Variants in XKR6 observed in about 807,000 individuals in gnomAD.
XKR6 encodes XK-related protein 6.
XKR6 carries 22 observed loss-of-function variants against 56.7 expected under a neutral mutation model. The observed-to-expected ratio is 0.39, with a 90% CI of 0.28 to 0.55. The LOEUF is 0.55. XKR6 is among the 20% of genes least tolerant of loss of function. XKR6 has a pLI of 0.66. For synonymous variants in XKR6, 524 were observed against 387.8 expected, an observed-to-expected ratio of 1.35 and a Z score of -4.13; for missense variants, 852 against 889.0, an observed-to-expected ratio of 0.96 and a Z score of 0.53.
intron 1 of XKR6, among the ~76,000 whole-genome samples, chr8:11,049,894 A>G (rs1225599762): frequency 6.6e-6 from 1 of 152,198 alleles, no homozygotes; most frequent in Non-Finnish European, 1.5e-5. Context: ...TGTCTGCTGC[A>G]GAGAGGCTAG....
chr8:11,077,398 G>A (rs553258144), intron 1 of XKR6, among the ~76,000 whole-genome samples: 66 of 152,246 alleles, frequency 4.3e-4, no homozygotes, highest in African/African-American at 1.5e-3. Flanking sequence ...GCCCTGGGGC[G>A]CTCTGTGAGG....
At chr8:11,017,944 G>C (rs886636397) in intron 1 of XKR6, among the ~76,000 whole-genome samples, 3 of 152,170 alleles carry the variant, frequency 2.0e-5, no homozygotes, top group Admixed American at 2.0e-4. Flanking sequence ...GGGATTCTGA[G>C]AGCCCATCTA....
chr8:10,938,065 T>C (rs906038769), intron 1 of XKR6, among the ~76,000 whole-genome samples: 40 of 152,134 alleles, frequency 2.6e-4, no homozygotes, highest in Non-Finnish European at 4.3e-4. Context: ...TCCGTGGGCG[T>C]AGGACCCTCC....
At chr8:11,051,291 G>C (rs893244393) in intron 1 of XKR6, among the ~76,000 whole-genome samples, 31 of 151,880 alleles carry the variant, frequency 2.0e-4, no homozygotes, top group Non-Finnish European at 1.5e-4. Context: ...GGCAAGCTCA[G>C]ACCTCGGCAG....
At chr8:11,158,126 T>A (rs994808190) in intron 1 of XKR6, among the ~76,000 whole-genome samples, 4 of 152,178 alleles carry the variant, frequency 2.6e-5, no homozygotes, top group Non-Finnish European at 5.9e-5. Context: ...AGCATGGTGT[T>A]GTGCCAGGCA....
chr8:11,187,129 T>A (rs1803315215), intron 1 of XKR6, among the ~76,000 whole-genome samples: 1 of 152,222 alleles, frequency 6.6e-6, no homozygotes, highest in Admixed American at 6.5e-5. Context: ...ATATTTCAAA[T>A]GAACCAAAAT....
In XKR6 at chr8:10,920,483, G is replaced by C. The variant is rs775853928; in HGVS notation, c.961+4151C>G. On this transcript the variant is annotated intron_variant, in intron 2 of 2. Coordinates refer to ENST00000416569, the MANE Select transcript of XKR6 (RefSeq NM_173683.4). ...GAGTCACCCCAGCTTTCTACGCTGCGACCCTCCAGGCACCCATGTGACTGG... is the reference window on the plus strand; with the variant it reads ...GAGTCACCCCAGCTTTCTACGCTGCCACCCTCCAGGCACCCATGTGACTGG... Among the ~76,000 whole-genome samples, 7 of 152,174 alleles carry C rather than the reference G, an allele frequency of 4.6e-5. No homozygotes were observed. The South Asian group carries it at 1.0e-3, about 23-fold the overall frequency.
intron 2 of XKR6, among the ~76,000 whole-genome samples, chr8:10,899,655 T>C (rs531062589): frequency 6.6e-6 from 1 of 152,344 alleles, no homozygotes; most frequent in East Asian, 1.9e-4. Flanking sequence ...TTTGAAGCTC[T>C]GTCCTTCTCT....
intron 1 of XKR6, among the ~76,000 whole-genome samples, chr8:11,036,434 G>T (rs781336546): frequency 1.3e-5 from 2 of 152,194 alleles, no homozygotes; most frequent in African/African-American, 2.4e-5. Context: ...TTTCCAAACC[G>T]TTGAATGTGA....
chr8:10,971,823 T>C (rs1195661080), intron 1 of XKR6, among the ~76,000 whole-genome samples: 1 of 152,226 alleles, frequency 6.6e-6, no homozygotes, highest in Non-Finnish European at 1.5e-5. Context: ...TGGGCCACCA[T>C]GGAGCCCACT....
intron 1 of XKR6, among the ~76,000 whole-genome samples, chr8:10,981,881 C>T (rs1030089835): frequency 2.6e-5 from 4 of 152,208 alleles, no homozygotes; most frequent in African/African-American, 9.7e-5. Context: ...TGGGCAAATC[C>T]ATGAATTGTG....
chr8:10,912,338 ATATATG>A (rs1464192643), intron 2 of XKR6, among the ~76,000 whole-genome samples: 3 of 117,846 alleles, frequency 2.5e-5, no homozygotes, highest in African/African-American at 1.0e-4. Context: ...ATATATATAT[ATATATG>A]GAGAGAGAGA....
intron 1 of XKR6, among the ~76,000 whole-genome samples, chr8:11,001,002 G>A (rs964821919): frequency 1.3e-5 from 2 of 152,174 alleles, no homozygotes; most frequent in South Asian, 2.1e-4. Flanking sequence ...GATTCAGAAG[G>A]TGGACACCAC....
rs761547779 is a variant in XKR6, at chr8:11,200,568, G to T, written c.764+8C>A. The T allele has an allele frequency of 1.4e-6, 2 of 1,479,718 alleles. No individual in the cohort carries two copies. Among genetic ancestry groups the T allele is most frequent in the South Asian group, 1.4e-5 (1 of 71,132 alleles). 91.7% of individuals were successfully genotyped at this position (1,479,718 alleles called of 1,614,324 possible). A position where few individuals can be genotyped will look rare whatever the true frequency, so the allele number is the denominator to read the frequency against. On this transcript the variant is annotated splice_region_variant and intron_variant, in intron 1 of 2. Transcript: ENST00000416569. This position sits in a 1 kb window ranked among gnomAD's most constrained non-coding sequence, Gnocchi z 6.4. Reference sequence around the variant, plus strand: ...GGCCGGCCCGCCCCCACCCCGCAGTGCTCTTACCTCCACACCTGCCCCATC... The same window carrying T: ...GGCCGGCCCGCCCCCACCCCGCAGTTCTCTTACCTCCACACCTGCCCCATC...
chr8:10,992,714 G>A (rs1406711219), intron 1 of XKR6, among the ~76,000 whole-genome samples: 4 of 152,176 alleles, frequency 2.6e-5, no homozygotes, highest in Non-Finnish European at 5.9e-5. Context: ...TGTTAGCCAA[G>A]CAGTGACTGT....
At chr8:11,161,300 T>C (rs1198539250) in intron 1 of XKR6, among the ~76,000 whole-genome samples, 1 of 152,156 alleles carries the variant, frequency 6.6e-6, no homozygotes, top group Non-Finnish European at 1.5e-5. Context: ...CCTTGGTAAG[T>C]CTTCTACTCC....
chr8:11,122,648 T>C (rs921392791), intron 1 of XKR6, among the ~76,000 whole-genome samples: 2 of 152,356 alleles, frequency 1.3e-5, no homozygotes, highest in East Asian at 1.9e-4. Context: ...GCCACCATAA[T>C]TGGTAAATAA....
chr8:11,154,620 T>C (rs1801423104), intron 1 of XKR6, among the ~76,000 whole-genome samples: 1 of 152,322 alleles, frequency 6.6e-6, no homozygotes, highest in African/African-American at 2.4e-5. Flanking sequence ...GTGAGAGTAG[T>C]CTTGGAAATC....
intron 1 of XKR6, among the ~76,000 whole-genome samples, chr8:11,118,184 T>C (rs546356346): frequency 2.6e-5 from 4 of 152,156 alleles, no homozygotes; most frequent in African/African-American, 4.8e-5. Context: ...ACTCTTAATA[T>C]ACAAAAAAAT....
Sources: allele counts gnomAD v4.1 joint callset (sites outside exome capture counted in the v4.1 genomes callset), GRCh38; gene constraint gnomAD v4.1.1; non-coding constraint Gnocchi (gnomAD v3.1); transcripts MANE v1.5; gene names NCBI Gene and HGNC (gene_info 2026-07-23, HGNC 2026-07-21).